UROC1: variants seen among roughly 807,000 people sequenced by gnomAD.
UROC1 encodes the protein urocanate hydratase 1.
Under a neutral mutation model 89.5 loss-of-function variants are expected in UROC1, and 79 were observed. That is an observed-to-expected ratio of 0.88 (90% CI 0.74 to 1.06). The LOEUF (loss-of-function observed/expected upper bound fraction) is 1.06. Ranked by LOEUF, UROC1 falls within the 50% of genes least tolerant of loss-of-function variation. UROC1 has a pLI of 0.00. For missense variants in UROC1, 885 were observed against 907.8 expected (o/e 0.97, Z 0.32); for synonymous variants, 361 against 354.8 (o/e 1.02, Z -0.20).
At chr3:126,499,451 C>T (rs753564118) in intron 12 of UROC1, 42 bp from the exon 13 acceptor site, 50 of 1,578,946 alleles carry the variant, frequency 3.2e-5, no homozygotes, top group Middle Eastern at 3.3e-4. Flanking sequence ...AGGCAGGACA[C>T]CCATGGCCAC....
chr3:126,517,609 G>A lies in UROC1; in HGVS notation c.111C>T (p.Ser37=). The change falls in exon 1 of 20, where the codon AGC becomes AGT. Residue 37 remains serine, a synonymous_variant. Transcript: ENST00000290868. ...PHAPVRTPSL[S]PVEKQLALRN... ...CACTGCTTACCTGTTTCTCCACAGG[G>A]CTGAGGCTGGGGGTCCTGACAGGGG... 1.9e-6 allele frequency: 3 copies of A among 1,612,348 alleles called. No homozygotes were observed. The highest frequency in any genetic ancestry group is 2.5e-6 in the Non-Finnish European group (3 of 1,179,706).
At chr3:126,494,007 T>G (rs1228159192) in intron 15 of UROC1, among the ~76,000 whole-genome samples, 1 of 152,186 alleles carries the variant, frequency 6.6e-6, no homozygotes, top group African/African-American at 2.4e-5. Flanking sequence ...CAGGCTTATT[T>G]TACTCACACC....
chr3:126,484,573 C>T (rs1202240012), intron 18 of UROC1, among the ~76,000 whole-genome samples: 1 of 152,216 alleles, frequency 6.6e-6, no homozygotes, highest in Non-Finnish European at 1.5e-5. Flanking sequence ...TCTGCCCAGC[C>T]TGAATCCTAC....
chr3:126,491,728 G>A (rs1015612471), intron 16 of UROC1, among the ~76,000 whole-genome samples: 3 of 152,244 alleles, frequency 2.0e-5, no homozygotes, highest in Admixed American at 6.5e-5. Context: ...CCAGGGTTCC[G>A]TCCTCGAGAC....
intron 19 of UROC1, 108 bp downstream of exon 19, chr3:126,483,261 G>C: frequency 9.8e-7 from 1 of 1,017,848 alleles, no homozygotes; most frequent in Non-Finnish European, 1.5e-6. Flanking sequence ...AGAGGAATCC[G>C]GCCCCCATCC....
Position 126,505,715 on chromosome 3 carries a change from CG to C in UROC1, c.798del (p.Ile266MetfsTer3). ...QAKAAVIVGC[I>X]GVIAEVDKAA... is the part of the protein sequence containing the mutation. ...CCCCAGCTTACCTCTGCTATCACACCGATGCACCCCACGATGACTGCGGCCT... is the reference window on the plus strand; with the variant it reads ...CCCCAGCTTACCTCTGCTATCACACCATGCACCCCACGATGACTGCGGCCT... On this transcript the variant is annotated frameshift_variant, in exon 8 of 20. Coordinates refer to ENST00000290868, the MANE Select transcript of UROC1 (RefSeq NM_144639.3). LOFTEE classifies it high-confidence loss of function. The C allele has an allele frequency of 1.9e-6, 3 of 1,613,750 alleles. No individual in the cohort carries two copies. Among genetic ancestry groups the C allele is most frequent in the Non-Finnish European group, 2.5e-6 (3 of 1,179,992 alleles).
chr3:126,502,704 C>G (rs1373721029), intron 9 of UROC1, among the ~76,000 whole-genome samples: 1 of 146,392 alleles, frequency 6.8e-6, no homozygotes, highest in Non-Finnish European at 1.5e-5. Flanking sequence ...ATGTGTGTGT[C>G]TATGTATGTG....
chr3:126,510,912 G>C, intron 1 of UROC1, 118 bp from the exon 2 acceptor site: 3 of 1,444,890 alleles, frequency 2.1e-6, no homozygotes, highest in Non-Finnish European at 2.8e-6. Context: ...TCAGAAGCCT[G>C]TTGCCCACCC....
At position 126,508,435 on chromosome 3, in the gene UROC1, A is replaced by G. The variant is rs540839108; in HGVS notation, c.392T>C (p.Val131Ala). The change falls in exon 4 of 20, where the codon GTG becomes GCG. Residue 131 changes from valine (V) to alanine (A), a missense_variant. By Grantham distance (64) the Val-to-Ala change is moderately conservative. Transcript: ENST00000290868. ...CAGTACCTGAGCCCAGTTGCTGAAC[A>G]CCTGCCCATTTCCTCCATAGGTCAC... is the stretch of plus-strand genomic sequence containing the variant. Reference protein sequence around the residue: ...ELVTYGGNGQVFSNWAQFWLT... With the variant: ...ELVTYGGNGQAFSNWAQFWLT... 1.9e-6 allele frequency: 3 copies of G among 1,613,852 alleles called. No individual in the cohort carries two copies. In the South Asian group the frequency reaches 3.3e-5, roughly 18 times the overall value.
At position 126,507,656 on chromosome 3, in the gene UROC1, C is replaced by T; in HGVS notation, c.602+86G>A. On this transcript the variant is annotated intron_variant, in intron 6 of 19. Coordinates refer to ENST00000290868, the MANE Select transcript of UROC1 (RefSeq NM_144639.3). ...AGTTCTGTGACTATGTCTTTCAAAA[C>T]TTGTATTTAATATCACCACTTTGCT... The T allele has an allele frequency of 3.6e-6, 5 of 1,379,198 alleles. No individual in the cohort carries two copies. The Admixed American group carries it at 8.4e-5, about 23-fold the overall frequency. 85.4% of individuals were successfully genotyped at this position (1,379,198 alleles called of 1,614,324 possible). A position where few individuals can be genotyped will look rare whatever the true frequency, so the allele number is the denominator to read the frequency against.
At position 126,482,244 on chromosome 3, in the gene UROC1, AGTGCAGGTAGTGCGGGT is replaced by A. The variant is rs911860293; in HGVS notation, c.*84_*100del. 5 of 1,535,942 alleles carry A rather than the reference AGTGCAGGTAGTGCGGGT, an allele frequency of 3.3e-6. No individual in the cohort carries two copies. In the African/African-American group the frequency reaches 6.8e-5, roughly 21 times the overall value. On this transcript the variant is annotated 3_prime_UTR_variant, in exon 20 of 20. Coordinates refer to ENST00000290868, the MANE Select transcript of UROC1 (RefSeq NM_144639.3). Reference sequence around the variant, plus strand: ...AAGGGCCACGTGAGGATGTGCGAGAAGTGCAGGTAGTGCGGGTGTGCAGGAAGGGTGTGTGCCATGGC... The same window carrying A: ...AAGGGCCACGTGAGGATGTGCGAGAAGTGCAGGAAGGGTGTGTGCCATGGC...
chr3:126,498,504 A>G (rs1935835262), intron 13 of UROC1, among the ~76,000 whole-genome samples: 1 of 152,098 alleles, frequency 6.6e-6, no homozygotes, highest in Non-Finnish European at 1.5e-5. Context: ...AGGAGAGTCA[A>G]CCTGGGGCTG....
At chr3:126,513,160 G>GTGTC (rs1936230569) in intron 1 of UROC1, among the ~76,000 whole-genome samples, 4 of 152,092 alleles carry the variant, frequency 2.6e-5, no homozygotes, top group Non-Finnish European at 4.4e-5. Context: ...GTGTGTGTGT[G>GTGTC]TGTGTGTGTT....
chr3:126,508,618 C>T (rs1560126906), intron 3 of UROC1, 143 bp from the exon 4 acceptor site: 3 of 672,938 alleles, frequency 4.5e-6, no homozygotes, highest in African/African-American at 1.8e-5. Flanking sequence ...GGGACGGACA[C>T]ATCTGCAAGA....
At chr3:126,516,904 C>T (rs1477570689) in intron 1 of UROC1, among the ~76,000 whole-genome samples, 1 of 151,732 alleles carries the variant, frequency 6.6e-6, no homozygotes, top group Non-Finnish European at 1.5e-5. Context: ...CACTTCTCTA[C>T]TGTTTCTGAA....
intron 14 of UROC1, 75 bp downstream of exon 14, chr3:126,497,976 T>C: frequency 6.2e-7 from 1 of 1,611,020 alleles, no homozygotes; most frequent in Non-Finnish European, 8.5e-7. Flanking sequence ...GGGCCTGCTA[T>C]AGAAGCTTGT....
At chr3:126,500,223 T>C in intron 11 of UROC1, 69 bp from the exon 12 acceptor site, 1 of 1,483,812 alleles carries the variant, frequency 6.7e-7, no homozygotes, top group East Asian at 2.4e-5. Context: ...GCACCCTCAG[T>C]CGCACCCGCC....
chr3:126,499,335 A>C lies in UROC1; in HGVS notation c.1316+2T>G, dbSNP rs1576720373. ...TAGATGTGGCAGCCGCCCATCACTC[A>C]CCCCATGATGTGCTGCACATAGGAA... On this transcript the variant is annotated splice_donor_variant, in intron 13 of 19. Transcript: ENST00000290868. LOFTEE classifies it high-confidence loss of function. 1.9e-6 allele frequency: 3 copies of C among 1,609,816 alleles called. No homozygotes were observed. The highest frequency in any genetic ancestry group is 1.1e-5 in the South Asian group (1 of 90,700).
chr3:126,493,102 T>C (rs1433772816), intron 15 of UROC1, among the ~76,000 whole-genome samples: 1 of 152,150 alleles, frequency 6.6e-6, no homozygotes, highest in Non-Finnish European at 1.5e-5. Context: ...CACCCAGTGA[T>C]CGCATCTCCT....
Sources: allele counts gnomAD v4.1 joint callset (sites outside exome capture counted in the v4.1 genomes callset), GRCh38; gene constraint gnomAD v4.1.1; transcripts MANE v1.5; gene names NCBI Gene and HGNC (gene_info 2026-07-23, HGNC 2026-07-21).